Variants in NIBAN1 observed in about 807,000 individuals in gnomAD.
NIBAN1 encodes the protein protein Niban 1.
A neutral mutation model predicts 75.1 loss-of-function variants in NIBAN1; 81 were observed. That is an observed-to-expected ratio of 1.08 (90% CI 0.90 to 1.30). The LOEUF (loss-of-function observed/expected upper bound fraction) is 1.30, where lower values mean the gene tolerates loss of function less well. Among genes scored for constraint, NIBAN1 ranks in the 50% most tolerant of loss-of-function variants. The probability of loss-of-function intolerance (pLI) is 0.00; values close to 1 mark genes in which losing one functional copy is unlikely to be tolerated. For missense variants in NIBAN1, 1,133 were observed against 1,128.1 expected (o/e 1.00, Z -0.06); for synonymous variants, 436 against 424.8 (o/e 1.03, Z -0.32).
chr1:184,881,148 A>G (rs1449837170), intron 5 of NIBAN1, among the ~76,000 whole-genome samples: 1 of 152,136 alleles, frequency 6.6e-6, no homozygotes, highest in African/African-American at 2.4e-5. Flanking sequence ...TCCTTAGGAT[A>G]CAAAATAATC....
Position 184,823,961 on chromosome 1 carries a change from G to A in NIBAN1, c.718-219C>T, listed in dbSNP as rs140492447. 7.2e-5 allele frequency among the ~76,000 whole-genome samples: 11 copies of A among 152,312 alleles called. No homozygotes were observed. The East Asian group carries it at 2.1e-3, about 29-fold the overall frequency. On this transcript the variant is annotated intron_variant, in intron 6 of 13. Transcript: ENST00000367511. The stretch of plus-strand genomic sequence containing the variant: ...ACATCCGCAAGGAACAGTAACATCT[G>A]CTGATATTCTCACCTTGTTGTTTTC...
chr1:184,893,468 T>C (rs542878825), intron 3 of NIBAN1, among the ~76,000 whole-genome samples: 39 of 151,996 alleles, frequency 2.6e-4, no homozygotes, highest in Non-Finnish European at 4.6e-4. Context: ...TTTCTCCACA[T>C]TTTACAGACA....
At position 184,914,004 on chromosome 1, in the gene NIBAN1, T is replaced by C. The variant is rs963598946; in HGVS notation, c.56-14695A>G. Reference sequence around the variant, plus strand: ...TCAGAGGCCCATTCTGTTTCAGTCCTACTACCCAAAAAGGAAGACATAGAC... The same window carrying C: ...TCAGAGGCCCATTCTGTTTCAGTCCCACTACCCAAAAAGGAAGACATAGAC... On this transcript the variant is annotated intron_variant, in intron 1 of 13. Coordinates refer to ENST00000367511, the MANE Select transcript of NIBAN1 (RefSeq NM_052966.4). Among the ~76,000 whole-genome samples the C allele has an allele frequency of 2.6e-5, 4 of 152,200 alleles. No homozygotes were observed. In the East Asian group the frequency reaches 5.8e-4, roughly 22 times the overall value.
intron 1 of NIBAN1, among the ~76,000 whole-genome samples, chr1:184,930,937 T>C (rs1657801165): frequency 6.6e-6 from 1 of 151,892 alleles, no homozygotes; most frequent in African/African-American, 2.4e-5. Context: ...GGTAGATGAG[T>C]CTGCAGGCAC....
intron 7 of NIBAN1, 91 bp downstream of exon 7, chr1:184,823,547 T>C (rs764475707): frequency 4.0e-5 from 57 of 1,413,848 alleles, no homozygotes; most frequent in Non-Finnish European, 5.2e-5. Context: ...GGGAAGGGAA[T>C]ATCAACAACA....
chr1:184,927,163 G>C (rs1657704441), intron 1 of NIBAN1, among the ~76,000 whole-genome samples: 1 of 152,030 alleles, frequency 6.6e-6, no homozygotes, highest in Non-Finnish European at 1.5e-5. Flanking sequence ...GGTCCCTGGT[G>C]TCTTACTTAG....
intron 1 of NIBAN1, among the ~76,000 whole-genome samples, chr1:184,933,576 C>T (rs1206036716): frequency 6.6e-6 from 1 of 152,166 alleles, no homozygotes; most frequent in Non-Finnish European, 1.5e-5. Flanking sequence ...TCCATAGACC[C>T]CTGGGCATGT....
At chr1:184,806,112 C>A (rs1654191554) in intron 10 of NIBAN1, 56 bp from the exon 11 acceptor site, 2 of 1,454,330 alleles carry the variant, frequency 1.4e-6, no homozygotes, top group South Asian at 1.2e-5. Context: ...GGATCACCAC[C>A]CACAGGCCTG....
At chr1:184,834,731 T>C (rs952002501) in intron 5 of NIBAN1, among the ~76,000 whole-genome samples, 1 of 152,212 alleles carries the variant, frequency 6.6e-6, no homozygotes, top group Non-Finnish European at 1.5e-5. Flanking sequence ...TTTATTTAAG[T>C]TCTTTGTAGA....
chr1:184,890,937 C>T (rs1239255320), intron 3 of NIBAN1, among the ~76,000 whole-genome samples: 1 of 152,126 alleles, frequency 6.6e-6, no homozygotes, highest in Non-Finnish European at 1.5e-5. Flanking sequence ...TAAGTATGTG[C>T]ATCTGACGGG....
chr1:184,865,513 G>T (rs1357456678), intron 5 of NIBAN1, among the ~76,000 whole-genome samples: 1 of 151,906 alleles, frequency 6.6e-6, no homozygotes, highest in African/African-American at 2.4e-5. Flanking sequence ...TCAGTACTTG[G>T]GTAACGAGAC....
chr1:184,829,158 G>A (rs190642196), intron 6 of NIBAN1, among the ~76,000 whole-genome samples: 4 of 152,166 alleles, frequency 2.6e-5, no homozygotes, highest in East Asian at 3.9e-4. Flanking sequence ...TCTCTTTTCT[G>A]CTTTTTTTGT....
intron 1 of NIBAN1, among the ~76,000 whole-genome samples, chr1:184,935,341 A>G (rs1657927532): frequency 6.6e-6 from 1 of 151,992 alleles, no homozygotes; most frequent in African/African-American, 2.4e-5. Context: ...CCCTGTCTAT[A>G]CAAAAAATAA....
At chr1:184,871,511 A>C (rs945538392) in intron 5 of NIBAN1, among the ~76,000 whole-genome samples, 6 of 152,060 alleles carry the variant, frequency 3.9e-5, no homozygotes, top group Non-Finnish European at 7.3e-5. Flanking sequence ...GAAGGAACCA[A>C]CCCTGCCATC....
At chr1:184,836,405 A>T (rs960195618) in intron 5 of NIBAN1, among the ~76,000 whole-genome samples, 2 of 152,230 alleles carry the variant, frequency 1.3e-5, no homozygotes, top group African/African-American at 4.8e-5. Flanking sequence ...TCCTTATAAG[A>T]AGCATAAATT....
intron 12 of NIBAN1, among the ~76,000 whole-genome samples, chr1:184,800,298 T>C (rs2102183826): frequency 6.7e-6 from 1 of 150,060 alleles, no homozygotes; most frequent in Non-Finnish European, 1.5e-5. Flanking sequence ...GTGAAAATTT[T>C]CTCCCATTTT....
At chr1:184,822,868 G>A (rs958836831) in intron 8 of NIBAN1, among the ~76,000 whole-genome samples, 1 of 152,176 alleles carries the variant, frequency 6.6e-6, no homozygotes, top group Admixed American at 6.5e-5. Flanking sequence ...TGGAGCAGAA[G>A]CCAGTCTAAT....
chr1:184,834,904 G>A (rs978751381), intron 5 of NIBAN1, among the ~76,000 whole-genome samples: 1 of 152,116 alleles, frequency 6.6e-6, no homozygotes, highest in African/African-American at 2.4e-5. Context: ...ATTGCTTTTG[G>A]TGTTTCAGTC....
chr1:184,965,638 C>A (rs1005962411), intron 1 of NIBAN1, among the ~76,000 whole-genome samples: 3 of 151,942 alleles, frequency 2.0e-5, no homozygotes, highest in African/African-American at 7.3e-5. Context: ...GACACTGAGC[C>A]CTATCAGAGG....
Sources: gnomAD v4.1 joint callset for allele counts (sites outside exome capture counted in the v4.1 genomes callset) on GRCh38, gnomAD v4.1.1 for gene constraint, MANE v1.5 for transcripts, NCBI Gene and HGNC (gene_info 2026-07-23, HGNC 2026-07-21) for gene names.